Variants in LDLRAD4 observed in about 807,000 individuals in gnomAD.
The protein encoded by LDLRAD4 is low density lipoprotein receptor class A domain containing 4.
Under a neutral mutation model 17.0 loss-of-function variants are expected in LDLRAD4, and 5 were observed. The ratio of observed to expected loss-of-function variants is 0.29; its 90% CI spans 0.15 to 0.62. The LOEUF (loss-of-function observed/expected upper bound fraction) is 0.62, where lower values mean the gene tolerates loss of function less well. LDLRAD4 is among the 20% of genes least tolerant of loss of function. LDLRAD4 has a pLI of 0.84. For missense variants in LDLRAD4, 340 were observed against 424.7 expected, an observed-to-expected ratio of 0.80 and a Z score of 1.75; for synonymous variants, 168 against 171.8, an observed-to-expected ratio of 0.98 and a Z score of 0.17.
At chr18:13,503,380 C>T (rs1213381015) in intron 3 of LDLRAD4, among the ~76,000 whole-genome samples, 2 of 152,226 alleles carry the variant, frequency 1.3e-5, no homozygotes, top group African/African-American at 4.8e-5. Flanking sequence ...GTGGTCCCTG[C>T]CACCAGGTGC....
At chr18:13,330,913 C>T (rs1234566089) in intron 1 of LDLRAD4, among the ~76,000 whole-genome samples, 1 of 152,220 alleles carries the variant, frequency 6.6e-6, no homozygotes, top group South Asian at 2.1e-4. Context: ...ACCCAAAGGA[C>T]TGGGGTCCAA....
At chr18:13,607,386 A>G (rs1425945233) in intron 3 of LDLRAD4, among the ~76,000 whole-genome samples, 1 of 152,226 alleles carries the variant, frequency 6.6e-6, no homozygotes, top group Non-Finnish European at 1.5e-5. Flanking sequence ...TGCTAACTTT[A>G]TGCTGCAGAA....
At chr18:13,474,102 A>T (rs574054575) in intron 3 of LDLRAD4, among the ~76,000 whole-genome samples, 1 of 152,198 alleles carries the variant, frequency 6.6e-6, no homozygotes, top group South Asian at 2.1e-4. Flanking sequence ...ATTAGCCATT[A>T]AGATGTGCTT....
chr18:13,468,034 G>A (rs76500612), intron 3 of LDLRAD4, among the ~76,000 whole-genome samples: 1 of 152,018 alleles, frequency 6.6e-6, no homozygotes. Flanking sequence ...CATAAAATTC[G>A]TAGGAGAAAA....
At chr18:13,611,988 C>T (rs2039610172) in intron 3 of LDLRAD4, 1 of 985,450 alleles carries the variant, frequency 1.0e-6, no homozygotes, top group South Asian at 4.7e-5. Flanking sequence ...CGGGCGAGCA[C>T]GCTCTGGGAG....
intron 1 of LDLRAD4, among the ~76,000 whole-genome samples, chr18:13,341,024 G>A (rs543496344): frequency 7.2e-5 from 11 of 152,070 alleles, no homozygotes; most frequent in Non-Finnish European, 1.6e-4. Context: ...TTCAAAAATT[G>A]TTGTATTGTA....
chr18:13,237,717 G>C (rs1265002578), intron 1 of LDLRAD4, among the ~76,000 whole-genome samples: 1 of 152,172 alleles, frequency 6.6e-6, no homozygotes, highest in Non-Finnish European at 1.5e-5. Flanking sequence ...AAGACCTCTG[G>C]CCTCAGTTTC....
intron 1 of LDLRAD4, among the ~76,000 whole-genome samples, chr18:13,378,531 G>A (rs748524755): frequency 1.3e-5 from 2 of 152,186 alleles, no homozygotes; most frequent in African/African-American, 4.8e-5. Flanking sequence ...TTCCGAGAAG[G>A]AGATGTAAAA....
At chr18:13,381,434 T>C (rs569742663) in intron 1 of LDLRAD4, among the ~76,000 whole-genome samples, 2 of 152,266 alleles carry the variant, frequency 1.3e-5, no homozygotes, top group East Asian at 3.9e-4. Flanking sequence ...GGGGACTTTT[T>C]GGAATGGGAG....
At chr18:13,570,243 G>A (rs2094669593) in intron 3 of LDLRAD4, among the ~76,000 whole-genome samples, 2 of 152,276 alleles carry the variant, frequency 1.3e-5, no homozygotes. Context: ...ACCGGAGCAT[G>A]TGGGGGGCCT....
At chr18:13,505,941 G>A (rs2093685559) in intron 3 of LDLRAD4, among the ~76,000 whole-genome samples, 1 of 152,128 alleles carries the variant, frequency 6.6e-6, no homozygotes, top group East Asian at 1.9e-4. Flanking sequence ...CCTGTCACCC[G>A]CAGTGTGGGG....
intron 3 of LDLRAD4, among the ~76,000 whole-genome samples, chr18:13,585,904 A>G (rs1334253991): frequency 1.3e-5 from 2 of 152,202 alleles, no homozygotes; most frequent in African/African-American, 4.8e-5. Context: ...ATATCTGCAA[A>G]CTTACTTCCT....
chr18:13,449,701 G>A (rs752473396), intron 3 of LDLRAD4, among the ~76,000 whole-genome samples: 1 of 152,180 alleles, frequency 6.6e-6, no homozygotes, highest in Non-Finnish European at 1.5e-5. Context: ...GAGGGTGTTG[G>A]GCATCTGTTA....
chr18:13,530,634 T>C (rs1412523856), intron 3 of LDLRAD4, among the ~76,000 whole-genome samples: 1 of 152,224 alleles, frequency 6.6e-6, no homozygotes, highest in African/African-American at 2.4e-5. Context: ...CACCCTGGAC[T>C]CTCTGCCCAC....
intron 3 of LDLRAD4, among the ~76,000 whole-genome samples, chr18:13,545,777 CACA>C (rs768243412): frequency 1.3e-5 from 2 of 152,138 alleles, no homozygotes; most frequent in Non-Finnish European, 2.9e-5. Flanking sequence ...GTGCACAGGT[CACA>C]GTGGGGTGGA....
rs564005497 is a variant in LDLRAD4, at chr18:13,301,630, G to T, written c.-383+23442G>T. The stretch of plus-strand genomic sequence containing the variant: ...AAGGGTGGTGGCACAAAACGACCAC[G>T]TTTCTGTCATGCTCATGCACTCTTT... On this transcript the variant is annotated intron_variant, in intron 1 of 5. Coordinates refer to ENST00000359446, the Ensembl canonical transcript of LDLRAD4. 1.4e-4 allele frequency among the ~76,000 whole-genome samples: 21 copies of T among 152,298 alleles called. No homozygotes were observed. In the South Asian group the frequency reaches 3.9e-3, roughly 29 times the overall value.
rs142111066 is a variant in LDLRAD4 at position 13,410,920 on chromosome 18, T to A, written c.40+23158T>A. On this transcript the variant is annotated intron_variant, in intron 2 of 5. Coordinates refer to ENST00000359446, the Ensembl canonical transcript of LDLRAD4. ...AGTTGAAGGTCCATGGGGTGCATTCTCATGGCCACCAGAGAAGATGGCAGT... is the reference window on the plus strand; with the variant it reads ...AGTTGAAGGTCCATGGGGTGCATTCACATGGCCACCAGAGAAGATGGCAGT... 6.0e-3 allele frequency among the ~76,000 whole-genome samples: 913 copies of A among 152,274 alleles called. 10 individuals are homozygous for A. The highest frequency in any genetic ancestry group is 0.021 in the African/African-American group (864 of 41,548).
intron 4 of LDLRAD4, among the ~76,000 whole-genome samples, chr18:13,637,206 C>T (rs1463594900): frequency 6.6e-6 from 1 of 152,014 alleles, no homozygotes; most frequent in African/African-American, 2.4e-5. Flanking sequence ...TGCAGATAAT[C>T]TCTGCTGAGG....
At chr18:13,411,606 C>G (rs1159791091) in intron 2 of LDLRAD4, among the ~76,000 whole-genome samples, 1 of 152,130 alleles carries the variant, frequency 6.6e-6, no homozygotes, top group Non-Finnish European at 1.5e-5. Context: ...AAGGGCAGTT[C>G]CCCTGCACAC....
Sources: gnomAD v4.1 joint callset for allele counts (sites outside exome capture counted in the v4.1 genomes callset) on GRCh38, gnomAD v4.1.1 for gene constraint, MANE v1.5 for transcripts, NCBI Gene and HGNC (gene_info 2026-07-23, HGNC 2026-07-21) for gene names.